The following SORCS1 variants were observed in gnomAD, a reference collection of about 807,000 sequenced individuals.
SORCS1 encodes VPS10 domain-containing receptor SorCS1.
In SORCS1, 60 loss-of-function variants were observed where a neutral mutation model predicts 146.1. The observed-to-expected ratio is 0.41, with a 90% CI of 0.33 to 0.51. The LOEUF (loss-of-function observed/expected upper bound fraction) is 0.51. Ranked by LOEUF, SORCS1 falls within the 20% of genes least tolerant of loss-of-function variation. The probability of loss-of-function intolerance (pLI) is 0.21; values close to 1 mark genes in which losing one functional copy is unlikely to be tolerated. For synonymous variants in SORCS1, 637 were observed against 584.0 expected (o/e 1.09, Z -1.31); for missense variants, 1,352 against 1,487.6 (o/e 0.91, Z 1.50).
rs149040934 is a variant in SORCS1 at position 106,612,022 on chromosome 10, C to T, written c.2922G>A (p.Glu974=). The T allele has an allele frequency of 6.2e-6, 10 of 1,612,260 alleles. No individual in the cohort carries two copies. The highest frequency in any genetic ancestry group is 4.4e-5 in the South Asian group (4 of 91,020). The stretch of plus-strand genomic sequence containing the variant: ...AGGACAAGCGAAGAGACCGGAATTC[C>T]TCTGGGGATATAACAGTAGATGGAG... ...LQDTKTIAVY[E]EFRSLRLSFS... The change falls in exon 22 of 26, where the codon GAG becomes GAA. Residue 974 remains glutamate (E), a splice_region_variant and synonymous_variant. Transcript: ENST00000263054.
At chr10:106,862,198 A>C (rs1950038824) in intron 2 of SORCS1, among the ~76,000 whole-genome samples, 1 of 152,210 alleles carries the variant, frequency 6.6e-6, no homozygotes, top group Non-Finnish European at 1.5e-5. Context: ...GTGAAAAGTT[A>C]AACTTATGGA....
chr10:106,993,516 C>T (rs185807399), intron 1 of SORCS1, among the ~76,000 whole-genome samples: 1 of 152,268 alleles, frequency 6.6e-6, no homozygotes, highest in East Asian at 1.9e-4. Context: ...GAATTTTTGA[C>T]TTCCAGAAGA....
At chr10:106,967,355 C>T (rs930825606) in intron 1 of SORCS1, among the ~76,000 whole-genome samples, 4 of 148,684 alleles carry the variant, frequency 2.7e-5, no homozygotes, top group Non-Finnish European at 4.5e-5. Context: ...TTTTTTTTTA[C>T]ATTAAACCAG....
chr10:107,164,273 C>T lies in SORCS1; in HGVS notation c.254G>A (p.Arg85Gln), dbSNP rs754071767. The change falls in exon 1 of 26, where the codon CGA (arginine) becomes CAA (glutamine). Residue 85 changes from arginine (R) to glutamine (Q), a missense_variant. Arg to Gln is a conservative substitution (Grantham distance 43). This residue lies in a region of SORCS1 where 490 missense variants were observed against 489.1 expected (regional missense o/e 1.00). Coordinates refer to ENST00000263054, the MANE Select transcript of SORCS1 (RefSeq NM_052918.5). This position sits in a 1 kb window ranked among gnomAD's most constrained non-coding sequence, Gnocchi z 6.8. Reference protein sequence around the residue: ...RPLFSVAPGDRALSLERARGT... With the variant: ...RPLFSVAPGDQALSLERARGT... ...CCGAGCCCGCTCCAGGGATAGCGCT[C>T]GGTCCCCGGGGGCCACTGAGAACAG... The T allele has an allele frequency of 2.5e-6, 4 of 1,601,038 alleles. No individual in the cohort carries two copies. Among genetic ancestry groups the T allele is most frequent in the African/African-American group, 2.7e-5 (2 of 74,830 alleles).
At chr10:106,924,254 C>T (rs190077219) in intron 2 of SORCS1, among the ~76,000 whole-genome samples, 2,208 of 68,204 alleles carry the variant, frequency 0.032, 30 homozygotes, top group Non-Finnish European at 0.055. Context: ...AACTCCATCT[C>T]AAAAAAAAAA....
rs140131979 is a variant in SORCS1, at chr10:106,811,873, C to T, written c.726+17701G>A. ...TAACCAAAAAGCTCGAGAAAATCTC[C>T]AGGTTGCCACATCCTTGCATGGTTA... On this transcript the variant is annotated intron_variant, in intron 3 of 25. Coordinates refer to ENST00000263054, the MANE Select transcript of SORCS1 (RefSeq NM_052918.5). Among the ~76,000 whole-genome samples, 339 of 152,288 alleles carry T rather than the reference C, an allele frequency of 2.2e-3. 2 individuals are homozygous for T. Among genetic ancestry groups the T allele is most frequent in the African/African-American group, 6.7e-3 (278 of 41,548 alleles).
At chr10:106,913,941 C>T (rs1008007310) in intron 2 of SORCS1, among the ~76,000 whole-genome samples, 1 of 152,156 alleles carries the variant, frequency 6.6e-6, no homozygotes, top group African/African-American at 2.4e-5. Flanking sequence ...AGTTGAGTCC[C>T]TTCTGTGCTT....
intron 1 of SORCS1, among the ~76,000 whole-genome samples, chr10:107,116,673 T>C (rs760866931): frequency 1.9e-4 from 29 of 152,286 alleles, no homozygotes; most frequent in Non-Finnish European, 4.1e-4. Flanking sequence ...GAAATGTTGA[T>C]GTAAGGGTAC....
chr10:107,107,917 G>A (rs1473909948), intron 1 of SORCS1, among the ~76,000 whole-genome samples: 2 of 152,202 alleles, frequency 1.3e-5, no homozygotes, highest in Non-Finnish European at 2.9e-5. Flanking sequence ...AGCCAAAGTT[G>A]AGTCTGGATG....
chr10:106,612,683 C>T (rs1005745461), intron 21 of SORCS1, among the ~76,000 whole-genome samples: 1 of 152,028 alleles, frequency 6.6e-6, no homozygotes, highest in African/African-American at 2.4e-5. Flanking sequence ...TTCTAATGGC[C>T]AGCATTTGCA....
intron 2 of SORCS1, among the ~76,000 whole-genome samples, chr10:106,953,742 C>T (rs1589780986): frequency 6.6e-6 from 1 of 152,142 alleles, no homozygotes; most frequent in African/African-American, 2.4e-5. Flanking sequence ...GCAATTGTAA[C>T]ATCATGGTAT....
chr10:107,096,764 G>A lies in SORCS1; in HGVS notation c.558+67205C>T, dbSNP rs191971052. 3.5e-3 allele frequency among the ~76,000 whole-genome samples: 532 copies of A among 152,142 alleles called. 6 individuals carry two copies. Among genetic ancestry groups the A allele is most frequent in the African/African-American group, 0.012 (501 of 41,484 alleles). ...TGACCTCAGGTGATCGGCCCACCTCGGCCTCCCAAAATGCTGGGATTACAG... is the reference window on the plus strand; with the variant it reads ...TGACCTCAGGTGATCGGCCCACCTCAGCCTCCCAAAATGCTGGGATTACAG... On this transcript the variant is annotated intron_variant, in intron 1 of 25. Coordinates refer to ENST00000263054, the MANE Select transcript of SORCS1 (RefSeq NM_052918.5).
intron 1 of SORCS1, among the ~76,000 whole-genome samples, chr10:107,002,826 C>T (rs553272694): frequency 6.6e-6 from 1 of 152,244 alleles, no homozygotes; most frequent in East Asian, 1.9e-4. Flanking sequence ...TGTAAAAGTG[C>T]CAGATGCCTT....
At chr10:107,124,354 T>C (rs901374497) in intron 1 of SORCS1, among the ~76,000 whole-genome samples, 3 of 152,166 alleles carry the variant, frequency 2.0e-5, no homozygotes, top group African/African-American at 7.2e-5. Flanking sequence ...TGTATTTAAG[T>C]CTTGTTCCCT....
intron 2 of SORCS1, among the ~76,000 whole-genome samples, chr10:106,938,553 T>C (rs990081688): frequency 3.9e-5 from 6 of 152,222 alleles, no homozygotes. Flanking sequence ...GTCCAGACAG[T>C]AGCTGATCTC....
chr10:106,989,670 G>GTTTTTTCT (rs1956667320), intron 1 of SORCS1, among the ~76,000 whole-genome samples: 1 of 116,450 alleles, frequency 8.6e-6, no homozygotes, highest in African/African-American at 4.5e-5. Flanking sequence ...TATTTTTTCT[G>GTTTTTTCT]TTTTTTTTTG....
At chr10:106,750,422 C>G (rs917203311) in intron 5 of SORCS1, among the ~76,000 whole-genome samples, 1 of 151,878 alleles carries the variant, frequency 6.6e-6, no homozygotes, top group Non-Finnish European at 1.5e-5. Context: ...TTGCTAATCA[C>G]AGGAAAAGAT....
At chr10:106,928,889 A>G (rs1953235109) in intron 2 of SORCS1, among the ~76,000 whole-genome samples, 1 of 142,274 alleles carries the variant, frequency 7.0e-6, no homozygotes, top group African/African-American at 2.5e-5. Context: ...GTATTTTTCC[A>G]TTTTTTAGTG....
At chr10:106,693,400 T>C (rs1853446105) in intron 9 of SORCS1, among the ~76,000 whole-genome samples, 2 of 152,238 alleles carry the variant, frequency 1.3e-5, no homozygotes, top group African/African-American at 4.8e-5. Flanking sequence ...CCCTTAGGCC[T>C]GTGGCTGTAC....
Sources: gnomAD v4.1 joint callset for allele counts (sites outside exome capture counted in the v4.1 genomes callset) on GRCh38, gnomAD v4.1.1 for gene constraint, gnomAD v4.1.1 regional missense constraint, Gnocchi (gnomAD v3.1) non-coding constraint, MANE v1.5 for transcripts, NCBI Gene and HGNC (gene_info 2026-07-23, HGNC 2026-07-21) for gene names.